The following PCDHGB1 variants were observed in gnomAD, a reference collection of about 807,000 sequenced individuals.
The protein encoded by PCDHGB1 is protocadherin gamma subfamily B, 1, also known as protocadherin gamma-B1.
A neutral mutation model predicts 56.6 loss-of-function variants in PCDHGB1; 34 were observed. That is an observed-to-expected ratio of 0.60 (90% CI 0.46 to 0.80). PCDHGB1 has a LOEUF of 0.80. PCDHGB1 is among the 30% of genes least tolerant of loss of function. The pLI, the probability that PCDHGB1 is intolerant of heterozygous loss-of-function variation, is 0.00. For synonymous variants in PCDHGB1, 561 were observed against 505.9 expected, an observed-to-expected ratio of 1.11 and a Z score of -1.46; for missense variants, 1,278 against 1,204.6, an observed-to-expected ratio of 1.06 and a Z score of -0.90.
Position 141,431,530 on chromosome 5 carries a change from G to A in PCDHGB1, c.2410-63277G>A. On this transcript the variant is annotated intron_variant, in intron 1 of 3. Transcript: ENST00000523390. The surrounding 1 kb of genome is among the most constrained non-coding windows in gnomAD (Gnocchi z 4.8). ...CGAGCGTTCCGGAGAATCTGGCCTT[G>A]GGCACGCAGCTGCTTGTAGTCAACG... 3 of 1,614,072 alleles carry A rather than the reference G, an allele frequency of 1.9e-6. No homozygotes were observed. In the South Asian group the frequency reaches 3.3e-5, roughly 18 times the overall value.
rs978480877 is a variant in PCDHGB1, at chr5:141,417,841, G to A, written c.2409+65172G>A. ...CTCCAACTGGAAAAGCGGGGACCCAGCGAGAACCCGAGCGAACGATGGGAG... is the reference window on the plus strand; with the variant it reads ...CTCCAACTGGAAAAGCGGGGACCCAACGAGAACCCGAGCGAACGATGGGAG... On this transcript the variant is annotated intron_variant, in intron 1 of 3. Coordinates refer to ENST00000523390, the MANE Select transcript of PCDHGB1 (RefSeq NM_018922.3). 1.4e-5 allele frequency: 21 copies of A among 1,537,848 alleles called. No homozygotes were observed. In the African/African-American group the frequency reaches 2.6e-4, roughly 19 times the overall value.
chr5:141,413,366 C>T (rs1452603006), intron 1 of PCDHGB1: 2 of 1,613,958 alleles, frequency 1.2e-6, no homozygotes, highest in Middle Eastern at 1.7e-4. Flanking sequence ...CGGGAGCTGG[C>T]GGAGCGCGGA....
At chr5:141,401,278 G>A (rs1355696847) in intron 1 of PCDHGB1, among the ~76,000 whole-genome samples, 4 of 152,160 alleles carry the variant, frequency 2.6e-5, no homozygotes, top group African/African-American at 9.7e-5. Context: ...GCAGGTGGAG[G>A]TTGCGGTGAG....
chr5:141,454,880 T>C (rs1561957456), intron 1 of PCDHGB1, among the ~76,000 whole-genome samples: 1 of 137,862 alleles, frequency 7.3e-6, no homozygotes, highest in Non-Finnish European at 1.5e-5. Flanking sequence ...CGATCTTGGC[T>C]CACTGCTAGC....
intron 2 of PCDHGB1, among the ~76,000 whole-genome samples, chr5:141,505,026 G>A (rs190826538): frequency 4.6e-5 from 7 of 152,316 alleles, no homozygotes; most frequent in African/African-American, 1.7e-4. Context: ...GCCTGGCACA[G>A]TGGCAGGTGC....
At chr5:141,357,440 G>A (rs939127168) in intron 1 of PCDHGB1, 6 of 1,614,198 alleles carry the variant, frequency 3.7e-6, no homozygotes, top group South Asian at 1.1e-5. Context: ...GACGGGGTTC[G>A]GGCTTTCCTG....
rs925034052 is a variant in PCDHGB1, at chr5:141,486,630, T to G, written c.2410-8177T>G. 2 of 1,613,690 alleles carry G rather than the reference T, an allele frequency of 1.2e-6. No individual in the cohort carries two copies. Among genetic ancestry groups the G allele is most frequent in the Non-Finnish European group, 1.7e-6 (2 of 1,180,028 alleles). ...GCAGCCTCTGACCCAGACTCTGGCTTGAATGCGCTTATCTCCTACTCACTC... is the reference window on the plus strand; with the variant it reads ...GCAGCCTCTGACCCAGACTCTGGCTGGAATGCGCTTATCTCCTACTCACTC... On this transcript the variant is annotated intron_variant, in intron 1 of 3. Coordinates refer to ENST00000523390, the MANE Select transcript of PCDHGB1 (RefSeq NM_018922.3). This position sits in a 1 kb window ranked among gnomAD's most constrained non-coding sequence, Gnocchi z 5.0.
chr5:141,428,267 T>C, intron 1 of PCDHGB1: 1 of 796,264 alleles, frequency 1.3e-6, no homozygotes, highest in Non-Finnish European at 2.1e-6. Context: ...GACAGTCCTG[T>C]GCCCTCTGAT....
At chr5:141,378,741 A>C (rs1588862467) in intron 1 of PCDHGB1, 2 of 152,230 alleles carry the variant, frequency 1.3e-5, no homozygotes, top group African/African-American at 2.4e-5. Context: ...GAAATATTTC[A>C]AGAAAAAAGG....
chr5:141,350,240 G>C lies in PCDHGB1; in HGVS notation c.-21G>C, dbSNP rs1016552981. 6.6e-7 allele frequency: 1 copy of C among 1,504,636 alleles called. No individual in the cohort carries two copies. Among genetic ancestry groups the C allele is most frequent in the African/African-American group, 1.4e-5 (1 of 71,516 alleles). The allele number at this position is 1,504,636 out of a possible 1,614,324, so 93.2% of individuals were successfully genotyped here. A position where few individuals can be genotyped will look rare whatever the true frequency, so the allele number is the denominator to read the frequency against. Reference sequence around the variant, plus strand: ...TTGAAAAACATCCCAGAGGAAAGAAGCTCCGCGGAGAGTTCCTGAAATGCA... The same window carrying C: ...TTGAAAAACATCCCAGAGGAAAGAACCTCCGCGGAGAGTTCCTGAAATGCA... On this transcript the variant is annotated 5_prime_UTR_variant, in exon 1 of 4. Transcript: ENST00000523390.
chr5:141,504,461 C>T (rs1485490028), intron 2 of PCDHGB1, among the ~76,000 whole-genome samples: 1 of 151,900 alleles, frequency 6.6e-6, no homozygotes, highest in Non-Finnish European at 1.5e-5. Flanking sequence ...GTGGGGCAGC[C>T]GCTGGGATGG....
rs371979287 is a variant in PCDHGB1, at chr5:141,384,185, C to A, written c.2409+31516C>A. On this transcript the variant is annotated intron_variant, in intron 1 of 3. Transcript: ENST00000523390. Reference sequence around the variant, plus strand: ...ACACTGAAAGCCACAGATGGTGGAACTCCTCCCTTGTCCAGGGAAACTCAC... The same window carrying A: ...ACACTGAAAGCCACAGATGGTGGAAATCCTCCCTTGTCCAGGGAAACTCAC... The A allele has an allele frequency of 6.2e-7, 1 of 1,613,718 alleles. No homozygotes were observed. Among genetic ancestry groups the A allele is most frequent in the Non-Finnish European group, 8.5e-7 (1 of 1,179,848 alleles).
In PCDHGB1 at chr5:141,357,367, C is replaced by A. The variant is rs377276213; in HGVS notation, c.2409+4698C>A. On this transcript the variant is annotated intron_variant, in intron 1 of 3. Coordinates refer to ENST00000523390, the MANE Select transcript of PCDHGB1 (RefSeq NM_018922.3). The stretch of plus-strand genomic sequence containing the variant: ...CAAGCTGAGACGCTGGCACAAGTCA[C>A]GCCTGCTTCACGCTGAAGGCAGCAG... 6 of 1,614,060 alleles carry A rather than the reference C, an allele frequency of 3.7e-6. No individual in the cohort carries two copies. In the African/African-American group the frequency reaches 6.7e-5, roughly 18 times the overall value.
intron 1 of PCDHGB1, chr5:141,420,202 C>T (rs2096476837): frequency 6.2e-7 from 1 of 1,613,136 alleles, no homozygotes. Flanking sequence ...AAGATAACCT[C>T]AACAAAGATA....
At chr5:141,419,570 G>T in intron 1 of PCDHGB1, 1 of 1,611,766 alleles carries the variant, frequency 6.2e-7, no homozygotes. Context: ...GGGTCCCGAC[G>T]GCTCCGCGCT....
At position 141,432,025 on chromosome 5, in the gene PCDHGB1, G is replaced by C. The variant is rs768627576; in HGVS notation, c.2410-62782G>C. 2 of 1,614,158 alleles carry C rather than the reference G, an allele frequency of 1.2e-6. No homozygotes were observed. The highest frequency in any genetic ancestry group is 3.3e-4 in the Middle Eastern group (2 of 6,062). ...AGGTTCCTAGCTACAACATCACAGTGACCGCCACTGACCGGGGAACCCCGC... is the reference window on the plus strand; with the variant it reads ...AGGTTCCTAGCTACAACATCACAGTCACCGCCACTGACCGGGGAACCCCGC... On this transcript the variant is annotated intron_variant, in intron 1 of 3. Transcript: ENST00000523390. The surrounding 1 kb of genome is among the most constrained non-coding windows in gnomAD (Gnocchi z 6.0).
intron 1 of PCDHGB1, chr5:141,414,893 C>T: frequency 6.2e-7 from 1 of 1,614,248 alleles, no homozygotes; most frequent in Non-Finnish European, 8.5e-7. Context: ...GCCCTCCCCA[C>T]AGACGGTTCC....
intron 1 of PCDHGB1, among the ~76,000 whole-genome samples, chr5:141,400,971 C>T (rs1161811260): frequency 6.6e-6 from 1 of 152,138 alleles, no homozygotes; most frequent in African/African-American, 2.4e-5. Flanking sequence ...TCATCTCTTT[C>T]TTATGTTCCT....
In PCDHGB1 at chr5:141,355,391, T is replaced by C. The variant is rs537544095; in HGVS notation, c.2409+2722T>C. The stretch of plus-strand genomic sequence containing the variant: ...CCCCGGGAGCTGGCGGAGCGCGGAG[T>C]CCGCATCGTCTCCAGAGGTAGGACG... On this transcript the variant is annotated intron_variant, in intron 1 of 3. Coordinates refer to ENST00000523390, the MANE Select transcript of PCDHGB1 (RefSeq NM_018922.3). 4 of 1,613,888 alleles carry C rather than the reference T, an allele frequency of 2.5e-6. No individual in the cohort carries two copies. In the Admixed American group the frequency reaches 6.7e-5, roughly 27 times the overall value.
Sources: allele counts gnomAD v4.1 joint callset (sites outside exome capture counted in the v4.1 genomes callset), GRCh38; gene constraint gnomAD v4.1.1; non-coding constraint Gnocchi (gnomAD v3.1); transcripts MANE v1.5; gene names NCBI Gene and HGNC (gene_info 2026-07-23, HGNC 2026-07-21).